TBC1D9B: variants seen among roughly 807,000 people sequenced by gnomAD.
TBC1D9B encodes the protein TBC1 domain family member 9B.
A neutral mutation model predicts 121.1 loss-of-function variants in TBC1D9B; 87 were observed. The ratio of observed to expected loss-of-function variants is 0.72; its 90% CI spans 0.60 to 0.86. The LOEUF is 0.86. Among genes scored for constraint, TBC1D9B ranks in the 40% least tolerant of loss-of-function variants. TBC1D9B has a pLI of 0.00. For synonymous variants in TBC1D9B, 668 were observed against 670.1 expected (o/e 1.00, Z 0.05); for missense variants, 1,540 against 1,628.6 (o/e 0.95, Z 0.94).
chr5:179,882,187 C>T (rs769645441), intron 7 of TBC1D9B, among the ~76,000 whole-genome samples: 5 of 152,300 alleles, frequency 3.3e-5, no homozygotes, highest in African/African-American at 7.2e-5. Flanking sequence ...TCAGGTGACC[C>T]GCCTGCCTCG....
At position 179,865,241 on chromosome 5, in the gene TBC1D9B, C is replaced by T; in HGVS notation, c.3021+13G>A. On this transcript the variant is annotated intron_variant, in intron 20 of 20. Coordinates refer to ENST00000355235, the MANE Select transcript of TBC1D9B (RefSeq NM_015043.4). The surrounding 1 kb of genome is among the most constrained non-coding windows in gnomAD (Gnocchi z 5.1). ...CTCCAGAAATGTCTACTGTGGGCTCCAGTGGAGCCTACCTGGTTCATCTTG... is the reference window on the plus strand; with the variant it reads ...CTCCAGAAATGTCTACTGTGGGCTCTAGTGGAGCCTACCTGGTTCATCTTG... 1.9e-6 allele frequency: 3 copies of T among 1,613,244 alleles called. No individual in the cohort carries two copies. Among genetic ancestry groups the T allele is most frequent in the South Asian group, 1.1e-5 (1 of 91,064 alleles).
chr5:179,867,489 G>A, intron 18 of TBC1D9B: 1 of 1,560,122 alleles, frequency 6.4e-7, no homozygotes, highest in Non-Finnish European at 8.7e-7. Flanking sequence ...TGAGGCCAGA[G>A]GAGATGCTGG....
At position 179,904,581 on chromosome 5, in the gene TBC1D9B, T is replaced by C; in HGVS notation, c.229+121A>G. On this transcript the variant is annotated intron_variant, in intron 2 of 20. Coordinates refer to ENST00000355235, the MANE Select transcript of TBC1D9B (RefSeq NM_015043.4). This position sits in a 1 kb window ranked among gnomAD's most constrained non-coding sequence, Gnocchi z 4.2. ...GCTCCTCCACTTCCCTCTTGCAGCC[T>C]TGGGCTATGCTGTCAGCAGGGAATA... is the stretch of plus-strand genomic sequence containing the variant. The C allele has an allele frequency of 1.1e-6, 1 of 869,792 alleles. No individual in the cohort carries two copies. Among genetic ancestry groups the C allele is most frequent in the East Asian group, 2.8e-5 (1 of 36,170 alleles). The allele number at this position is 869,792 out of a possible 1,614,324, so 53.9% of individuals were successfully genotyped here.
chr5:179,893,062 T>C, intron 5 of TBC1D9B, 147 bp downstream of exon 5: 1 of 1,163,244 alleles, frequency 8.6e-7, no homozygotes, highest in South Asian at 1.6e-5. Flanking sequence ...ATGATCTGTT[T>C]ACCTGGCTTC....
At position 179,878,509 on chromosome 5, in the gene TBC1D9B, T is replaced by C. The variant is rs1267230330; in HGVS notation, c.1582A>G (p.Met528Val). ...GCATAGTACCCGGGGTGAGTCACCA[T>C]CTCATTCCAGGCCCCTGGGGAGACA... ...WLLFSGAWNE[M>V]VTHPGYYAEL... The change falls in exon 10 of 21, where the codon ATG becomes GTG. Residue 528 changes from methionine to valine, a missense_variant. By Grantham distance (21) the Met-to-Val change is conservative. Transcript: ENST00000355235. 1 of 1,605,238 alleles carries C rather than the reference T, an allele frequency of 6.2e-7. No individual in the cohort carries two copies. The highest frequency in any genetic ancestry group is 8.5e-7 in the Non-Finnish European group (1 of 1,175,596).
At chr5:179,905,530 G>A (rs1482694271) in intron 1 of TBC1D9B, among the ~76,000 whole-genome samples, 3 of 152,084 alleles carry the variant, frequency 2.0e-5, no homozygotes, top group African/African-American at 7.2e-5. Flanking sequence ...AACATTTGAG[G>A]GCATTTCAAG....
Position 179,891,390 on chromosome 5 carries a change from G to A in TBC1D9B, c.1033C>T (p.Pro345Ser), listed in dbSNP as rs751359006. The A allele has an allele frequency of 4.3e-6, 7 of 1,614,126 alleles. No individual in the cohort carries two copies. Among genetic ancestry groups the A allele is most frequent in the African/African-American group, 4.0e-5 (3 of 74,946 alleles). Residue 345 changes from proline to serine, a missense_variant, in exon 6 of 21, where the codon CCC becomes TCC. Physicochemically the swap from Pro to Ser is moderately conservative, Grantham distance 74. Transcript: ENST00000355235. The surrounding 1 kb of genome is among the most constrained non-coding windows in gnomAD (Gnocchi z 4.3). ...KEEDACHLII[P>S]LREVTIVEKA... ...TAGGGGATGCTGACCTCCCTCAGGG[G>A]TATGATGAGGTGGCAAGCGTCCTCC...
chr5:179,900,847 G>C (rs1561649774), intron 2 of TBC1D9B, among the ~76,000 whole-genome samples: 1 of 152,158 alleles, frequency 6.6e-6, no homozygotes, highest in East Asian at 1.9e-4. Flanking sequence ...GGAGGCCAGT[G>C]TGACTGTGAA....
intron 16 of TBC1D9B, 150 bp downstream of exon 16, chr5:179,870,105 G>T: frequency 7.4e-7 from 1 of 1,360,104 alleles, no homozygotes; most frequent in Admixed American, 2.0e-5. Flanking sequence ...GGCTCCCGTG[G>T]GTAAACTGTT....
In TBC1D9B at chr5:179,907,695, G is replaced by A. The variant is rs1256529507; in HGVS notation, c.118+9C>T. On this transcript the variant is annotated intron_variant, in intron 1 of 20. Coordinates refer to ENST00000355235, the MANE Select transcript of TBC1D9B (RefSeq NM_015043.4). This position sits in a 1 kb window ranked among gnomAD's most constrained non-coding sequence, Gnocchi z 5.3. The stretch of plus-strand genomic sequence containing the variant: ...CGCCCACAGGCCCGGCCGCCCGCGC[G>A]CCTCTCACCCGTAAGGCCGCCGCCC... 9.1e-7 allele frequency: 1 copy of A among 1,096,582 alleles called. No homozygotes were observed. Among genetic ancestry groups the A allele is most frequent in the Non-Finnish European group, 1.1e-6 (1 of 886,886 alleles). 67.9% of individuals were successfully genotyped at this position (1,096,582 alleles called of 1,614,324 possible).
Position 179,865,761 on chromosome 5 carries a change from G to A in TBC1D9B, c.2914+77C>T. ...CCGGGGTAGGGGGCTCCCTGGCAGTGACTGGGGAAAAGACCAGCAAGCAAG... is the reference window on the plus strand; with the variant it reads ...CCGGGGTAGGGGGCTCCCTGGCAGTAACTGGGGAAAAGACCAGCAAGCAAG... On this transcript the variant is annotated intron_variant, in intron 19 of 20. Transcript: ENST00000355235. This position sits in a 1 kb window ranked among gnomAD's most constrained non-coding sequence, Gnocchi z 5.1. 2 of 1,486,156 alleles carry A rather than the reference G, an allele frequency of 1.3e-6. No homozygotes were observed. Among genetic ancestry groups the A allele is most frequent in the South Asian group, 2.6e-5 (2 of 75,624 alleles). The allele number at this position is 1,486,156 out of a possible 1,614,324, so 92.1% of individuals were successfully genotyped here.
Position 179,879,147 on chromosome 5 carries a change from G to C in TBC1D9B, c.1467C>G (p.Tyr489Ter). The C allele has an allele frequency of 6.2e-7, 1 of 1,606,530 alleles. No homozygotes were observed. Among genetic ancestry groups the C allele is most frequent in the Non-Finnish European group, 8.5e-7 (1 of 1,179,554 alleles). ...TGCGGTACATGCACACGCCACGCCCGTACTCGAAGAAGTGGATGTGCCATG... is the reference window on the plus strand; with the variant it reads ...TGCGGTACATGCACACGCCACGCCCCTACTCGAAGAAGTGGATGTGCCATG... ...EESWHIHFFE[Y>*]GRGVCMYRTA... Residue 489 changes from tyrosine (Y) to a stop codon, truncating the protein, a stop_gained, in exon 9 of 21, where the codon TAC becomes TAG. Transcript: ENST00000355235. LOFTEE classifies it high-confidence loss of function.
chr5:179,868,417 G>A (rs573529208), intron 17 of TBC1D9B: 2 of 152,392 alleles, frequency 1.3e-5, no homozygotes, highest in South Asian at 4.1e-4. Flanking sequence ...CTGACTTCAA[G>A]TGATCCACCC....
chr5:179,886,578 G>A (rs914521900), intron 7 of TBC1D9B, among the ~76,000 whole-genome samples: 22 of 152,202 alleles, frequency 1.4e-4, no homozygotes, highest in African/African-American at 4.6e-4. Context: ...CTTCCCATGC[G>A]CTCACTGACG....
intron 3 of TBC1D9B, among the ~76,000 whole-genome samples, chr5:179,895,636 C>G (rs1760997754): frequency 6.6e-6 from 1 of 152,220 alleles, no homozygotes. Flanking sequence ...AAAACAGGTC[C>G]TCAGCAGTGC....
Position 179,876,046 on chromosome 5 carries a change from C to T in TBC1D9B, c.1783-9G>A. On this transcript the variant is annotated splice_polypyrimidine_tract_variant and intron_variant, in intron 10 of 20. Coordinates refer to ENST00000355235, the MANE Select transcript of TBC1D9B (RefSeq NM_015043.4). The stretch of plus-strand genomic sequence containing the variant: ...GTCACGATGTTCATTGCCTGCCGGG[C>T]ACAGAGACAGCCGGGGAAGGCTTGC... 1 of 1,610,452 alleles carries T rather than the reference C, an allele frequency of 6.2e-7. No individual in the cohort carries two copies. Among genetic ancestry groups the T allele is most frequent in the East Asian group, 2.2e-5 (1 of 44,704 alleles).
At position 179,864,110 on chromosome 5, in the gene TBC1D9B, A is replaced by G. The variant is rs1354081526; in HGVS notation, c.3040T>C (p.Cys1014Arg). 1 of 1,608,440 alleles carries G rather than the reference A, an allele frequency of 6.2e-7. No individual in the cohort carries two copies. Among genetic ancestry groups the G allele is most frequent in the Non-Finnish European group, 8.5e-7 (1 of 1,176,400 alleles). ...CTGAACATGTTGTAAAGCGTCTTGC[A>G]CAGCTCAATGAACTGCTCCTTTTAG... is the stretch of plus-strand genomic sequence containing the variant. ...KMNQEQFIEL[C>R]KTLYNMFSED... The change falls in exon 21 of 21, where the codon TGC becomes CGC. Residue 1014 changes from cysteine (C) to arginine (R), a missense_variant. Cys to Arg is a radical substitution (Grantham distance 180). Transcript: ENST00000355235.
rs146904313 is a variant in TBC1D9B, at chr5:179,863,624, C to T, written c.3526G>A (p.Asp1176Asn). Residue 1176 changes from aspartate to asparagine, a missense_variant, in exon 21 of 21, where the codon GAC becomes AAC. By Grantham distance (23) the Asp-to-Asn change is conservative. Coordinates refer to ENST00000355235, the MANE Select transcript of TBC1D9B (RefSeq NM_015043.4). The surrounding 1 kb of genome is among the most constrained non-coding windows in gnomAD (Gnocchi z 4.5). ...SPTARIGGTVDTDWCISFEQI... is the reference protein window; with the variant it reads ...SPTARIGGTVNTDWCISFEQI... ...TCAAAGGAGATGCACCAGTCGGTGTCGACGGTGCCGCCGATGCGCGCTGTG... is the reference window on the plus strand; with the variant it reads ...TCAAAGGAGATGCACCAGTCGGTGTTGACGGTGCCGCCGATGCGCGCTGTG... 1.5e-5 allele frequency: 24 copies of T among 1,613,690 alleles called. No homozygotes were observed. Among genetic ancestry groups the T allele is most frequent in the South Asian group, 6.6e-5 (6 of 91,092 alleles).
chr5:179,905,897 T>C (rs910940878), intron 1 of TBC1D9B, among the ~76,000 whole-genome samples: 14 of 152,252 alleles, frequency 9.2e-5, no homozygotes, highest in Admixed American at 6.5e-5. Context: ...TTAATACTTT[T>C]TTGAGATAGT....
Sources: gnomAD v4.1 joint callset for allele counts (sites outside exome capture counted in the v4.1 genomes callset) on GRCh38, gnomAD v4.1.1 for gene constraint, Gnocchi (gnomAD v3.1) non-coding constraint, MANE v1.5 for transcripts, NCBI Gene and HGNC (gene_info 2026-07-23, HGNC 2026-07-21) for gene names.